The following SH2B2 variants were observed in gnomAD, a reference collection of about 807,000 sequenced individuals.
SH2B2 encodes SH2B adaptor protein 2.
SH2B2 carries 37 observed loss-of-function variants against 35.7 expected under a neutral mutation model. The observed-to-expected ratio is 1.04, with a 90% CI of 0.80 to 1.36. SH2B2 has a LOEUF of 1.36. Ranked by LOEUF, SH2B2 falls within the 40% of genes most tolerant of loss-of-function variation. The pLI is 0.00. For synonymous variants in SH2B2, 383 were observed against 376.4 expected (o/e 1.02, Z -0.20); for missense variants, 852 against 817.7 (o/e 1.04, Z -0.51).
chr7:102,318,225 G>A (rs145143357), intron 7 of SH2B2, among the ~76,000 whole-genome samples: 2,160 of 152,130 alleles, frequency 0.014, 23 homozygotes, highest in Non-Finnish European at 0.022. Flanking sequence ...TGCAACCTCC[G>A]CCTCCCGGGT....
rs1177299566 is a variant in SH2B2, at chr7:102,321,559, G to C, written c.1828G>C (p.Ala610Pro). 68 of 1,150,600 alleles carry C rather than the reference G, an allele frequency of 5.9e-5. No homozygotes were observed. Among genetic ancestry groups the C allele is most frequent in the Non-Finnish European group, 7.3e-5 (68 of 937,334 alleles). The allele number at this position is 1,150,600 out of a possible 1,614,324, so 71.3% of individuals were successfully genotyped here. A position where few individuals can be genotyped will look rare whatever the true frequency, so the allele number is the denominator to read the frequency against. The change falls in exon 9 of 9, where the codon GCC (alanine) becomes CCC (proline). Residue 610 changes from alanine to proline, a missense_variant. Around this residue, in one of 3 missense-constraint regions of SH2B2, gnomAD observed 556 missense variants for 514.5 expected, o/e 1.08. Coordinates refer to ENST00000444095, the MANE Select transcript of SH2B2 (RefSeq NM_001359228.2). ...CCTGCTGGAGGCCGTGGCCGCCACC[G>C]CCGCCGAGGAGCCCCCGGAGGCCGC... The part of the protein sequence containing the change: ...ERLLEAVAAT[A>P]AEEPPEAAPG...
chr7:102,290,310 A>G (rs1340327513), intron 1 of SH2B2, among the ~76,000 whole-genome samples: 5 of 140,930 alleles, frequency 3.5e-5, no homozygotes, highest in Non-Finnish European at 6.1e-5. Context: ...GTGGCGTGCA[A>G]CCTCAGCTCC....
At chr7:102,311,448 T>A (rs950668228) in intron 4 of SH2B2, among the ~76,000 whole-genome samples, 4 of 151,910 alleles carry the variant, frequency 2.6e-5, no homozygotes, top group African/African-American at 9.7e-5. Context: ...AGAGACGGGG[T>A]TTCCCCATGG....
chr7:102,315,552 C>G (rs1793792738), intron 6 of SH2B2, among the ~76,000 whole-genome samples: 1 of 151,750 alleles, frequency 6.6e-6, no homozygotes, highest in Non-Finnish European at 1.5e-5. Flanking sequence ...TGATCTTGAA[C>G]TCCTGCCCTA....
At chr7:102,321,234 C>G (rs1031784526) in intron 8 of SH2B2, 65 bp from the exon 9 acceptor site, 6 of 1,267,838 alleles carry the variant, frequency 4.7e-6, no homozygotes, top group Non-Finnish European at 6.0e-6. Context: ...TGAGGGATCC[C>G]GGCCTCCCTG....
At chr7:102,286,572 C>A (rs1380928725), upstream of SH2B2, among the ~76,000 whole-genome samples, 2 of 151,980 alleles carry the variant, frequency 1.3e-5, no homozygotes, top group African/African-American at 2.4e-5. Flanking sequence ...TGGCCTGGGG[C>A]CGGCTCGGCG....
intron 6 of SH2B2, among the ~76,000 whole-genome samples, chr7:102,315,777 AAAGG>A (rs1173928839): frequency 1.4e-5 from 2 of 139,118 alleles, no homozygotes; most frequent in African/African-American, 2.6e-5. Context: ...AGAAAAGAAG[AAAGG>A]AGGGAGGGAG....
Position 102,303,701 on chromosome 7 carries a change from G to A in SH2B2, c.729+2422G>A, listed in dbSNP as rs1342579443. 4.6e-5 allele frequency among the ~76,000 whole-genome samples: 7 copies of A among 152,282 alleles called. No homozygotes were observed. The East Asian group carries it at 5.8e-4, about 13-fold the overall frequency. On this transcript the variant is annotated intron_variant, in intron 2 of 8. Transcript: ENST00000444095. ...CCACTCCTTGTCAGAAAGGGAAACC[G>A]AGGCCCAGTGACGGGTGGGGTGGGG...
In SH2B2 at chr7:102,314,382, C is replaced by G. The variant is rs1322840021; in HGVS notation, c.970C>G (p.Leu324Val). ...GCTCTCCTGTACCCGAGGAGGCTGT[C>G]TGGCCAGCCGCGTGGCCTCCTGCAG... ...TELSCTRGGC[L>V]ASRVASCSCE... The change falls in exon 5 of 9, where the codon CTG becomes GTG. Residue 324 changes from leucine to valine, a missense_variant. Coordinates refer to ENST00000444095, the MANE Select transcript of SH2B2 (RefSeq NM_001359228.2). The G allele has an allele frequency of 2.8e-5, 11 of 398,750 alleles. No homozygotes were observed. The East Asian group carries it at 3.6e-4, about 13-fold the overall frequency. 24.7% of individuals were successfully genotyped at this position (398,750 alleles called of 1,614,324 possible).
At chr7:102,295,174 C>T (rs1792852897) in intron 1 of SH2B2, among the ~76,000 whole-genome samples, 1 of 152,194 alleles carries the variant, frequency 6.6e-6, no homozygotes, top group Admixed American at 6.5e-5. Flanking sequence ...ATGTCTAGGA[C>T]TCGGCACTGG....
intron 2 of SH2B2, among the ~76,000 whole-genome samples, chr7:102,304,813 G>A (rs2132975298): frequency 6.6e-6 from 1 of 152,378 alleles, no homozygotes; most frequent in South Asian, 2.1e-4. Flanking sequence ...GGGTTAGCCA[G>A]GCCCCGTTCA....
intron 3 of SH2B2, among the ~76,000 whole-genome samples, chr7:102,307,329 G>A (rs1793444100): frequency 6.6e-6 from 1 of 152,216 alleles, no homozygotes; most frequent in South Asian, 2.1e-4. Flanking sequence ...GTGGCCTGCA[G>A]GGGTTTCTGA....
intron 1 of SH2B2, among the ~76,000 whole-genome samples, chr7:102,296,990 A>G (rs150944916): frequency 6.6e-6 from 1 of 152,242 alleles, no homozygotes; most frequent in African/African-American, 2.4e-5. Flanking sequence ...AAAAAAAACA[A>G]AAAACAAAAA....
chr7:102,292,933 C>T (rs1430851538), intron 1 of SH2B2, among the ~76,000 whole-genome samples: 2 of 152,114 alleles, frequency 1.3e-5, no homozygotes, highest in African/African-American at 4.8e-5. Flanking sequence ...CTAGTTTGAC[C>T]TGTGGGACCA....
intron 1 of SH2B2, among the ~76,000 whole-genome samples, chr7:102,293,466 T>TG (rs1312796582): frequency 6.8e-6 from 1 of 146,030 alleles, no homozygotes; most frequent in Non-Finnish European, 1.5e-5. Flanking sequence ...CCATCAGAGA[T>TG]GGGGAAAAAA....
At chr7:102,298,584 TTTTG>T (rs1793011158) in intron 1 of SH2B2, among the ~76,000 whole-genome samples, 1 of 152,126 alleles carries the variant, frequency 6.6e-6, no homozygotes, top group Admixed American at 6.5e-5. Flanking sequence ...GATCAACTTT[TTTTG>T]TTTATTTTTT....
rs1792477981 is a variant in SH2B2 at position 102,286,948 on chromosome 7, G to A, written c.-176G>A. ...GCGGGGGACGCGCCGGGACCGCGAG[G>A]AGCGCAGGAGCCTTCGAGGCGGTGA... is the stretch of plus-strand genomic sequence containing the variant. On this transcript the variant is annotated 5_prime_UTR_variant, in exon 1 of 9. Transcript: ENST00000444095. The A allele has an allele frequency of 6.7e-6, 1 of 149,412 alleles. No homozygotes were observed. The highest frequency in any genetic ancestry group is 2.1e-4 in the South Asian group (1 of 4,826). 9.3% of individuals were successfully genotyped at this position (149,412 alleles called of 1,614,324 possible).
chr7:102,304,484 G>T (rs376347437), intron 2 of SH2B2, among the ~76,000 whole-genome samples: 1 of 152,240 alleles, frequency 6.6e-6, no homozygotes, highest in African/African-American at 2.4e-5. Context: ...GGTGAGCCCC[G>T]GAGGAAAAGC....
Position 102,317,344 on chromosome 7 carries a change from G to C in SH2B2, c.1344G>C (p.Glu448Asp), listed in dbSNP as rs1427833509. Reference sequence around the variant, plus strand: ...GCCTCTTCGTGATCCGCCAAAGTGAGACTCGGCCTGGGGAGTACGTGCTGA... The same window carrying C: ...GCCTCTTCGTGATCCGCCAAAGTGACACTCGGCCTGGGGAGTACGTGCTGA... ...NHGLFVIRQS[E>D]TRPGEYVLTF... The change falls in exon 7 of 9, where the codon GAG becomes GAC. Residue 448 changes from glutamate to aspartate, a missense_variant. Coordinates refer to ENST00000444095, the MANE Select transcript of SH2B2 (RefSeq NM_001359228.2). 1 of 1,610,854 alleles carries C rather than the reference G, an allele frequency of 6.2e-7. No individual in the cohort carries two copies.
Sources: gnomAD v4.1 joint callset for allele counts (sites outside exome capture counted in the v4.1 genomes callset) on GRCh38, gnomAD v4.1.1 for gene constraint, gnomAD v4.1.1 regional missense constraint, MANE v1.5 for transcripts, NCBI Gene and HGNC (gene_info 2026-07-23, HGNC 2026-07-21) for gene names.